NKAIN2: variants seen among roughly 807,000 people sequenced by gnomAD.
The protein encoded by NKAIN2 is sodium/potassium transporting ATPase interacting 2, also known as sodium/potassium-transporting ATPase subunit beta-1-interacting protein 2.
A neutral mutation model predicts 32.6 loss-of-function variants in NKAIN2; 14 were observed. That is an observed-to-expected ratio of 0.43 (90% CI 0.28 to 0.67). NKAIN2 has a LOEUF of 0.67. Ranked by LOEUF, NKAIN2 falls within the 30% of genes least tolerant of loss-of-function variation. The pLI is 0.17. For missense variants in NKAIN2, 198 were observed against 258.3 expected (o/e 0.77, Z 1.60); for synonymous variants, 80 against 87.2 (o/e 0.92, Z 0.46).
chr6:124,518,406 T>C (rs1779003192), intron 3 of NKAIN2, among the ~76,000 whole-genome samples: 1 of 152,108 alleles, frequency 6.6e-6, no homozygotes, highest in Non-Finnish European at 1.5e-5. Context: ...GGGTAATTTA[T>C]TTTAAAAAGA....
At chr6:124,244,263 C>G (rs1157415872) in intron 1 of NKAIN2, among the ~76,000 whole-genome samples, 1 of 132,796 alleles carries the variant, frequency 7.5e-6, no homozygotes, top group Non-Finnish European at 1.6e-5. Flanking sequence ...ACAACAGTCC[C>G]CAGAGTGTGA....
At chr6:124,458,807 T>TA (rs1776419481) in intron 3 of NKAIN2, among the ~76,000 whole-genome samples, 1 of 151,806 alleles carries the variant, frequency 6.6e-6, no homozygotes, top group Non-Finnish European at 1.5e-5. Flanking sequence ...AACAAATGTG[T>TA]AAACTTGACC....
intron 3 of NKAIN2, among the ~76,000 whole-genome samples, chr6:124,563,968 A>T (rs2114900591): frequency 6.6e-6 from 1 of 152,274 alleles, no homozygotes; most frequent in South Asian, 2.1e-4. Context: ...TATGGTAATG[A>T]TGCTATAGTT....
chr6:124,279,463 C>T (rs7751793), intron 1 of NKAIN2, among the ~76,000 whole-genome samples: 26,801 of 146,548 alleles, frequency 0.18, 2,637 homozygotes, highest in East Asian at 0.26. Flanking sequence ...GCCGAGATCA[C>T]ACCACTGCAC....
At chr6:123,874,163 C>T (rs1773049454) in intron 1 of NKAIN2, among the ~76,000 whole-genome samples, 1 of 152,036 alleles carries the variant, frequency 6.6e-6, no homozygotes, top group Non-Finnish European at 1.5e-5. Flanking sequence ...ACATTTTTTT[C>T]CACCATGGAG....
chr6:124,239,502 A>G (rs1461966054), intron 1 of NKAIN2, among the ~76,000 whole-genome samples: 3 of 152,084 alleles, frequency 2.0e-5, no homozygotes, highest in African/African-American at 4.8e-5. Context: ...GAAGTAAAAC[A>G]CTCTTCAGCA....
At chr6:124,658,443 T>C (rs1234970129) in intron 4 of NKAIN2, 57 bp downstream of exon 4, 2 of 1,613,288 alleles carry the variant, frequency 1.2e-6, no homozygotes, top group East Asian at 4.5e-5. Context: ...TTTATTTCTG[T>C]GCGAACTCAG....
intron 2 of NKAIN2, among the ~76,000 whole-genome samples, chr6:124,343,929 T>C (rs936380613): frequency 6.9e-6 from 1 of 145,228 alleles, no homozygotes. Flanking sequence ...TGAATGGTAT[T>C]GCCTAGGTTT....
At chr6:124,470,224 G>T (rs1776917965) in intron 3 of NKAIN2, among the ~76,000 whole-genome samples, 1 of 152,118 alleles carries the variant, frequency 6.6e-6, no homozygotes, top group Non-Finnish European at 1.5e-5. Flanking sequence ...AACATCAAAG[G>T]GTGCTGGTGA....
chr6:124,424,598 A>G (rs951072210), intron 3 of NKAIN2, among the ~76,000 whole-genome samples: 3 of 152,112 alleles, frequency 2.0e-5, no homozygotes, highest in Non-Finnish European at 2.9e-5. Context: ...CCTAGTAACC[A>G]TCATTCTACT....
chr6:124,243,996 T>C (rs1793252749), intron 1 of NKAIN2, among the ~76,000 whole-genome samples: 1 of 152,180 alleles, frequency 6.6e-6, no homozygotes, highest in East Asian at 1.9e-4. Context: ...TATGGAGGCA[T>C]TCACATCAGT....
intron 3 of NKAIN2, among the ~76,000 whole-genome samples, chr6:124,547,738 G>A (rs899029595): frequency 6.6e-6 from 1 of 152,104 alleles, no homozygotes; most frequent in Admixed American, 6.6e-5. Context: ...ATTAAATAAG[G>A]GGCCAAGGTC....
At chr6:124,475,011 A>G (rs888829419) in intron 3 of NKAIN2, among the ~76,000 whole-genome samples, 3 of 150,864 alleles carry the variant, frequency 2.0e-5, no homozygotes, top group African/African-American at 7.3e-5. Context: ...TTTTCTCATG[A>G]GTAGATCCAG....
At chr6:123,895,157 G>T (rs11963900) in intron 1 of NKAIN2, among the ~76,000 whole-genome samples, 6,384 of 149,366 alleles carry the variant, frequency 0.043, 446 homozygotes, top group African/African-American at 0.15. Flanking sequence ...TCTTTCCTCA[G>T]TTCTCTCTTT....
At chr6:124,356,434 A>G (rs1023063147) in intron 3 of NKAIN2, among the ~76,000 whole-genome samples, 1 of 152,196 alleles carries the variant, frequency 6.6e-6, no homozygotes, top group South Asian at 2.1e-4. Flanking sequence ...TTCAATGACA[A>G]AAGATGAAGG....
intron 4 of NKAIN2, chr6:124,658,699 A>AT (rs1285735404): frequency 1.1e-5 from 6 of 545,750 alleles, no homozygotes; most frequent in African/African-American, 1.9e-5. Context: ...ATGATCAGAG[A>AT]TTTTTTTCAT....
chr6:123,993,117 T>C (rs1779481468), intron 1 of NKAIN2, among the ~76,000 whole-genome samples: 1 of 152,198 alleles, frequency 6.6e-6, no homozygotes, highest in Admixed American at 6.5e-5. Context: ...CTCTATGGCA[T>C]ATAAAAACCT....
intron 3 of NKAIN2, among the ~76,000 whole-genome samples, chr6:124,598,307 T>C (rs1192299621): frequency 6.6e-6 from 1 of 152,132 alleles, no homozygotes; most frequent in Non-Finnish European, 1.5e-5. Flanking sequence ...TAAAACTTGT[T>C]TGGTTTTATC....
intron 1 of NKAIN2, among the ~76,000 whole-genome samples, chr6:124,251,950 T>A (rs1043695761): frequency 6.6e-6 from 1 of 152,086 alleles, no homozygotes; most frequent in Non-Finnish European, 1.5e-5. Context: ...GTTAAATGTT[T>A]GAGATGATGA....
Sources: gnomAD v4.1 joint callset for allele counts (sites outside exome capture counted in the v4.1 genomes callset) on GRCh38, gnomAD v4.1.1 for gene constraint, MANE v1.5 for transcripts, NCBI Gene and HGNC (gene_info 2026-07-23, HGNC 2026-07-21) for gene names.